LYPD6: variants seen among roughly 807,000 people sequenced by gnomAD.
The protein encoded by LYPD6 is ly6/PLAUR domain-containing protein 6.
LYPD6 carries 15 observed loss-of-function variants against 22.7 expected under a neutral mutation model. That is an observed-to-expected ratio of 0.66 (90% CI 0.44 to 1.02). LYPD6 has a LOEUF of 1.02. LYPD6 is among the 50% of genes least tolerant of loss of function. LYPD6 has a pLI of 0.00. For synonymous variants in LYPD6, 72 were observed against 77.5 expected (o/e 0.93, Z 0.37); for missense variants, 189 against 208.4 (o/e 0.91, Z 0.57).
intron 3 of LYPD6, among the ~76,000 whole-genome samples, chr2:149,453,266 A>G (rs1406295547): frequency 1.3e-5 from 2 of 152,196 alleles, no homozygotes; most frequent in African/African-American, 2.4e-5. Flanking sequence ...GCTTGGATCT[A>G]CGTTTGCCCA....
chr2:149,373,832 T>G (rs1200111699), intron 1 of LYPD6, among the ~76,000 whole-genome samples: 2 of 152,244 alleles, frequency 1.3e-5, no homozygotes, highest in African/African-American at 4.8e-5. Context: ...TTGTATAAGC[T>G]TAATTCTATT....
intron 1 of LYPD6, among the ~76,000 whole-genome samples, chr2:149,345,942 C>T (rs1486428516): frequency 5.3e-5 from 8 of 152,078 alleles, no homozygotes; most frequent in African/African-American, 1.9e-4. Context: ...GAATTAAACT[C>T]TTCCATTTTT....
chr2:149,376,637 T>C (rs1257830962), intron 1 of LYPD6, among the ~76,000 whole-genome samples: 1 of 152,228 alleles, frequency 6.6e-6, no homozygotes, highest in Non-Finnish European at 1.5e-5. Context: ...GCCATACATG[T>C]GTAGAAGATC....
intron 1 of LYPD6, among the ~76,000 whole-genome samples, chr2:149,422,045 A>G (rs1683092603): frequency 6.6e-6 from 1 of 152,018 alleles, no homozygotes; most frequent in Non-Finnish European, 1.5e-5. Context: ...CTCTTGGAAG[A>G]CCTTTCAAAG....
chr2:149,385,894 G>T (rs564256522), intron 1 of LYPD6, among the ~76,000 whole-genome samples: 1 of 152,232 alleles, frequency 6.6e-6, no homozygotes, highest in South Asian at 2.1e-4. Context: ...GTGGGGTTGG[G>T]ACTCCCTTTC....
chr2:149,458,113 G>T (rs1450821345), intron 3 of LYPD6, among the ~76,000 whole-genome samples: 1 of 152,178 alleles, frequency 6.6e-6, no homozygotes, highest in African/African-American at 2.4e-5. Flanking sequence ...AGCAGAGGCT[G>T]AATGGAAAGC....
At chr2:149,408,090 A>G (rs895938179) in intron 1 of LYPD6, among the ~76,000 whole-genome samples, 1 of 152,066 alleles carries the variant, frequency 6.6e-6, no homozygotes, top group Non-Finnish European at 1.5e-5. Flanking sequence ...TCGTTCCTCT[A>G]GAAGTTTTGT....
intron 1 of LYPD6, among the ~76,000 whole-genome samples, chr2:149,368,342 G>A (rs1052251562): frequency 1.3e-5 from 2 of 152,154 alleles, no homozygotes; most frequent in Non-Finnish European, 2.9e-5. Context: ...TGTTCAGTAT[G>A]GATGGAGTTT....
intron 1 of LYPD6, among the ~76,000 whole-genome samples, chr2:149,376,320 G>T (rs1681920561): frequency 6.6e-6 from 1 of 152,140 alleles, no homozygotes; most frequent in South Asian, 2.1e-4. Flanking sequence ...TGTATGCCCT[G>T]CATTTCATCT....
At chr2:149,481,209 A>G in the LYPD6 span, among the ~76,000 whole-genome samples, 1 of 152,196 alleles carries the variant, frequency 6.6e-6, no homozygotes, top group Non-Finnish European at 1.5e-5. Flanking sequence ...GTAAGGGGCA[A>G]TCTCAAGGCA....
chr2:149,394,102 C>T (rs1682374740), intron 1 of LYPD6, among the ~76,000 whole-genome samples: 1 of 152,212 alleles, frequency 6.6e-6, no homozygotes, highest in Admixed American at 6.5e-5. Flanking sequence ...GGACTTAAGA[C>T]CTTCTGTTTG....
chr2:149,455,536 G>A (rs763355939), intron 3 of LYPD6, among the ~76,000 whole-genome samples: 6 of 152,106 alleles, frequency 3.9e-5, no homozygotes, highest in Admixed American at 3.3e-4. Context: ...GGGATTATAG[G>A]TGTGAGCCAC....
intron 1 of LYPD6, among the ~76,000 whole-genome samples, chr2:149,426,726 G>T (rs1182725726): frequency 6.6e-6 from 1 of 152,182 alleles, no homozygotes; most frequent in Non-Finnish European, 1.5e-5. Flanking sequence ...AGAGGTTAAA[G>T]ATTTCAGAGT....
intron 3 of LYPD6, among the ~76,000 whole-genome samples, chr2:149,453,039 A>G (rs1680871903): frequency 6.6e-6 from 1 of 152,222 alleles, no homozygotes; most frequent in African/African-American, 2.4e-5. Context: ...GATGCTCTCC[A>G]TAACTGACTC....
intron 1 of LYPD6, among the ~76,000 whole-genome samples, chr2:149,426,699 G>A (rs545259059): frequency 1.3e-5 from 2 of 152,262 alleles, no homozygotes; most frequent in South Asian, 4.1e-4. Context: ...CAAAGCAATG[G>A]AAGAAACATT....
intron 1 of LYPD6, among the ~76,000 whole-genome samples, chr2:149,398,413 T>TTGTA (rs917703939): frequency 9.5e-5 from 14 of 147,856 alleles, no homozygotes; most frequent in African/African-American, 3.5e-4. Flanking sequence ...AAAGATGGCT[T>TTGTA]TGTGTGTGTG....
intron 1 of LYPD6, among the ~76,000 whole-genome samples, chr2:149,388,353 GA>G (rs964464283): frequency 6.6e-6 from 1 of 151,656 alleles, no homozygotes; most frequent in Admixed American, 6.6e-5. Flanking sequence ...GCTATTAAAT[GA>G]AAAAAATGTA....
downstream of LYPD6, among the ~76,000 whole-genome samples, chr2:149,478,376 A>AGG (rs1443216416): frequency 1.4e-5 from 1 of 73,402 alleles, no homozygotes; most frequent in Non-Finnish European, 2.5e-5. Flanking sequence ...TGGTATATAG[A>AGG]GGTGTGTGTG....
the LYPD6 span, among the ~76,000 whole-genome samples, chr2:149,482,755 G>T: frequency 6.6e-6 from 1 of 152,248 alleles, no homozygotes; most frequent in East Asian, 1.9e-4. Context: ...GCTGTTCTAG[G>T]ACATTCCCCC....
Sources: gnomAD v4.1 joint callset for allele counts (sites outside exome capture counted in the v4.1 genomes callset) on GRCh38, gnomAD v4.1.1 for gene constraint, MANE v1.5 for transcripts, NCBI Gene and HGNC (gene_info 2026-07-23, HGNC 2026-07-21) for gene names.